The following ARHGAP5 variants were observed in gnomAD, a reference collection of about 807,000 sequenced individuals.
ARHGAP5 encodes Rho GTPase activating protein 5, also known as rho GTPase-activating protein 5.
Under a neutral mutation model 116.6 loss-of-function variants are expected in ARHGAP5, and 23 were observed. The observed-to-expected ratio is 0.20, with a 90% CI of 0.14 to 0.28. The LOEUF (loss-of-function observed/expected upper bound fraction) is 0.28. Ranked by LOEUF, ARHGAP5 falls within the 10% of genes least tolerant of loss-of-function variation. The pLI is 1.00. For synonymous variants in ARHGAP5, 574 were observed against 602.0 expected, an observed-to-expected ratio of 0.95 and a Z score of 0.68; for missense variants, 1,405 against 1,774.8, an observed-to-expected ratio of 0.79 and a Z score of 3.74.
intron 3 of ARHGAP5, among the ~76,000 whole-genome samples, chr14:32,123,902 T>C (rs185816801): frequency 1.3e-5 from 2 of 152,266 alleles, no homozygotes; most frequent in Admixed American, 1.3e-4. Flanking sequence ...CCATTTATAT[T>C]AAAAGATCTT....
At chr14:32,078,436 CAAGA>C (rs2041736231) in intron 1 of ARHGAP5, 1 of 152,194 alleles carries the variant, frequency 6.6e-6, no homozygotes, top group South Asian at 2.1e-4. Flanking sequence ...TGAGATAGAG[CAAGA>C]TAGGCATATA....
intron 1 of ARHGAP5, among the ~76,000 whole-genome samples, chr14:32,084,841 C>A (rs772555585): frequency 6.6e-6 from 1 of 152,080 alleles, no homozygotes; most frequent in Non-Finnish European, 1.5e-5. Context: ...GTGAGACTCT[C>A]TACAAAAAAA....
intron 2 of ARHGAP5, among the ~76,000 whole-genome samples, chr14:32,109,146 T>C (rs1215113328): frequency 6.6e-6 from 1 of 152,152 alleles, no homozygotes; most frequent in East Asian, 1.9e-4. Flanking sequence ...TTGGAGTCCT[T>C]TGTTTAAATG....
chr14:32,120,976 G>T (rs1451106898), intron 3 of ARHGAP5, among the ~76,000 whole-genome samples: 3 of 145,940 alleles, frequency 2.1e-5, no homozygotes, highest in African/African-American at 7.5e-5. Flanking sequence ...CATGTATTTT[G>T]AAGATCTTTT....
At chr14:32,081,530 C>CA (rs1234788204) in intron 1 of ARHGAP5, among the ~76,000 whole-genome samples, 1 of 111,880 alleles carries the variant, frequency 8.9e-6, no homozygotes, top group East Asian at 2.7e-4. Context: ...GCCTGGGCGA[C>CA]AGAGCAAGAC....
At chr14:32,121,268 C>G (rs1232773679) in intron 3 of ARHGAP5, among the ~76,000 whole-genome samples, 2 of 152,032 alleles carry the variant, frequency 1.3e-5, no homozygotes, top group African/African-American at 2.4e-5. Flanking sequence ...TATGTTTGTT[C>G]TGAAGTCTAC....
At chr14:32,090,091 T>G (rs1337594962) in intron 1 of ARHGAP5, among the ~76,000 whole-genome samples, 1 of 152,000 alleles carries the variant, frequency 6.6e-6, no homozygotes, top group East Asian at 1.9e-4. Context: ...CAGGTTGTTT[T>G]GTATTTTTAA....
chr14:32,159,368 CCTGTT>C lies in ARHGAP5; in HGVS notation c.*4423_*4427del, dbSNP rs1212919962. ...TTGTGAACAATTTAATAACGGCCCT[CCTGTT>C]CTAGTTTGCCTAATATTTTAGTTAA... is the stretch of plus-strand genomic sequence containing the variant. On this transcript the variant is annotated 3_prime_UTR_variant, in exon 7 of 7. Coordinates refer to ENST00000345122, the MANE Select transcript of ARHGAP5 (RefSeq NM_001030055.2). 6.6e-6 allele frequency: 1 copy of C among 152,022 alleles called. No individual in the cohort carries two copies. The highest frequency in any genetic ancestry group is 2.4e-5 in the African/African-American group (1 of 41,406). The allele number at this position is 152,022 out of a possible 1,614,324, so 9.4% of individuals were successfully genotyped here.
chr14:32,113,628 C>A (rs986853364), intron 2 of ARHGAP5, among the ~76,000 whole-genome samples: 7 of 152,228 alleles, frequency 4.6e-5, no homozygotes, highest in Non-Finnish European at 1.0e-4. Flanking sequence ...TTTCCTGTCA[C>A]AACCCCCAAT....
In ARHGAP5 at chr14:32,078,984, G is replaced by C. The variant is rs193267448; in HGVS notation, c.-169+1549G>C. Among the ~76,000 whole-genome samples, 50 of 151,616 alleles carry C rather than the reference G, an allele frequency of 3.3e-4. No individual in the cohort carries two copies. In the East Asian group the frequency reaches 8.7e-3, roughly 26 times the overall value. On this transcript the variant is annotated intron_variant, in intron 1 of 6. Transcript: ENST00000345122. ...ATTTTAAATTCCTTTCTCATTTTTT[G>C]CTTTCATCTATCCTTTGTATACTAA...
chr14:32,109,461 C>T (rs888906372), intron 2 of ARHGAP5, among the ~76,000 whole-genome samples: 9 of 151,994 alleles, frequency 5.9e-5, no homozygotes, highest in East Asian at 5.8e-4. Flanking sequence ...ATATCTCATT[C>T]GCTCGTCTCC....
In ARHGAP5 at chr14:32,154,704, T is replaced by G. The variant is rs1187850768; in HGVS notation, c.4265T>G (p.Phe1422Cys). Residue 1422 changes from phenylalanine to cysteine, a missense_variant, in exon 7 of 7, where the codon TTT becomes TGT. Physicochemically the swap from Phe to Cys is radical, Grantham distance 205. Around this residue, in one of 6 missense-constraint regions of ARHGAP5, gnomAD observed 85 missense variants for 96.6 expected, o/e 0.88. Coordinates refer to ENST00000345122, the MANE Select transcript of ARHGAP5 (RefSeq NM_001030055.2). The part of the protein sequence containing the change: ...CFWPTLMRPD[F>C]ENREFLSTTK... ...TGGCCAACCTTGATGAGACCTGATT[T>G]TGAAAATCGAGAGTTTCTGTCTACT... The G allele has an allele frequency of 6.2e-7, 1 of 1,614,200 alleles. No individual in the cohort carries two copies. The highest frequency in any genetic ancestry group is 1.7e-5 in the Admixed American group (1 of 60,026).
intron 2 of ARHGAP5, among the ~76,000 whole-genome samples, chr14:32,106,608 G>T (rs1227647445): frequency 1.3e-5 from 2 of 152,010 alleles, no homozygotes; most frequent in Non-Finnish European, 2.9e-5. Flanking sequence ...ATCCCTGTCC[G>T]TACAAAGTGT....
intron 3 of ARHGAP5, among the ~76,000 whole-genome samples, chr14:32,127,077 G>T (rs1880198406): frequency 6.7e-6 from 1 of 148,406 alleles, no homozygotes; most frequent in Admixed American, 6.7e-5. Flanking sequence ...GGCTCACTGC[G>T]ACCTCCACCT....
At chr14:32,125,950 G>A (rs915734019) in intron 3 of ARHGAP5, among the ~76,000 whole-genome samples, 1 of 152,050 alleles carries the variant, frequency 6.6e-6, no homozygotes, top group Admixed American at 6.6e-5. Context: ...TGATTTTTGT[G>A]TGTTGATCTT....
Position 32,093,133 on chromosome 14 carries a change from A to G in ARHGAP5, c.2464A>G (p.Ile822Val), listed in dbSNP as rs1376633576. 1.2e-6 allele frequency: 2 copies of G among 1,613,982 alleles called. No individual in the cohort carries two copies. Among genetic ancestry groups the G allele is most frequent in the Non-Finnish European group, 1.7e-6 (2 of 1,179,922 alleles). Residue 822 changes from isoleucine to valine, a missense_variant, in exon 2 of 7, where the codon ATT becomes GTT. By Grantham distance (29) the Ile-to-Val change is conservative. This residue lies in a region of ARHGAP5 where 944 missense variants were observed against 1,095.3 expected (regional missense o/e 0.86). Transcript: ENST00000345122. ...QNNSLMLDKI[I>V]GEKRRRIQIT... ...TAATTCCCTAATGCTTGATAAAATC[A>G]TTGGTGAAAAAAGGAGGCGAATACA...
chr14:32,105,298 T>C (rs763119672), intron 2 of ARHGAP5, among the ~76,000 whole-genome samples: 30 of 152,300 alleles, frequency 2.0e-4, no homozygotes, highest in South Asian at 8.3e-4. Context: ...AGCTACATGC[T>C]ATTGTCATTT....
At chr14:32,097,958 A>G (rs1007217151) in intron 2 of ARHGAP5, among the ~76,000 whole-genome samples, 4 of 152,234 alleles carry the variant, frequency 2.6e-5, no homozygotes, top group East Asian at 1.9e-4. Context: ...AAAGACATTA[A>G]AAAGACCTAA....
intron 1 of ARHGAP5, among the ~76,000 whole-genome samples, chr14:32,089,359 C>G (rs558573490): frequency 5.7e-4 from 86 of 151,622 alleles, no homozygotes; most frequent in African/African-American, 2.0e-3. Flanking sequence ...TTTATTTTGT[C>G]TGGATTGAGG....
Sources: allele counts gnomAD v4.1 joint callset (sites outside exome capture counted in the v4.1 genomes callset), GRCh38; gene constraint gnomAD v4.1.1; regional missense constraint gnomAD v4.1.1; transcripts MANE v1.5; gene names NCBI Gene and HGNC (gene_info 2026-07-23, HGNC 2026-07-21).